Variants in GLIS3 observed in about 807,000 individuals in gnomAD.
GLIS3 encodes the protein GLIS family zinc finger 3.
In GLIS3, 53 loss-of-function variants were observed where a neutral mutation model predicts 78.6. That is an observed-to-expected ratio of 0.67 (90% CI 0.54 to 0.85). The LOEUF is 0.85. Among genes scored for constraint, GLIS3 ranks in the 40% least tolerant of loss-of-function variants. The probability of loss-of-function intolerance (pLI) is 0.00; values close to 1 mark genes in which losing one functional copy is unlikely to be tolerated. For missense variants in GLIS3, 1,703 were observed against 1,231.1 expected, an observed-to-expected ratio of 1.38 and a Z score of -5.74; for synonymous variants, 684 against 509.9, an observed-to-expected ratio of 1.34 and a Z score of -4.60.
intron 2 of GLIS3, among the ~76,000 whole-genome samples, chr9:4,264,877 C>A (rs1382741250): frequency 6.6e-6 from 1 of 151,966 alleles, no homozygotes; most frequent in Non-Finnish European, 1.5e-5. Context: ...AGTGAAATAA[C>A]AATCTTCGGC....
chr9:4,110,091 C>G (rs12378695), intron 4 of GLIS3, among the ~76,000 whole-genome samples: 1 of 152,116 alleles, frequency 6.6e-6, no homozygotes, highest in African/African-American at 2.4e-5. Flanking sequence ...CTGTATCCCC[C>G]GGGTAAGGTA....
At chr9:3,876,230 G>A (rs557001254) in intron 8 of GLIS3, among the ~76,000 whole-genome samples, 3 of 152,100 alleles carry the variant, frequency 2.0e-5, no homozygotes, top group Non-Finnish European at 2.9e-5. Context: ...TAAATGTCCC[G>A]AGTTCTTCAA....
chr9:3,867,583 G>T (rs558274219), intron 8 of GLIS3, among the ~76,000 whole-genome samples: 2 of 152,254 alleles, frequency 1.3e-5, no homozygotes, highest in African/African-American at 4.8e-5. Context: ...ATAGGAAGAG[G>T]CCACCAACCT....
At chr9:4,086,646 G>A (rs919505316) in intron 4 of GLIS3, among the ~76,000 whole-genome samples, 2 of 152,206 alleles carry the variant, frequency 1.3e-5, no homozygotes, top group Admixed American at 1.3e-4. Flanking sequence ...ACTTTCCACT[G>A]TATGTCCTTT....
the GLIS3 span, among the ~76,000 whole-genome samples, chr9:4,462,870 G>C: frequency 6.6e-6 from 1 of 152,158 alleles, no homozygotes; most frequent in Non-Finnish European, 1.5e-5. Flanking sequence ...AAAAGCACTG[G>C]TCTTGAACCT....
At chr9:4,486,692 G>C in the GLIS3 span, among the ~76,000 whole-genome samples, 7,266 of 152,132 alleles carry the variant, frequency 0.048, 566 homozygotes, top group African/African-American at 0.16. Flanking sequence ...GGTCCTCCCA[G>C]TGTGAAAGTG....
intron 2 of GLIS3, among the ~76,000 whole-genome samples, chr9:4,198,207 C>G (rs1819043120): frequency 6.6e-6 from 1 of 152,116 alleles, no homozygotes; most frequent in Non-Finnish European, 1.5e-5. Context: ...GGATTGCAAG[C>G]AAGCTCAATG....
At chr9:4,368,811 A>C in the GLIS3 span, among the ~76,000 whole-genome samples, 2 of 152,150 alleles carry the variant, frequency 1.3e-5, no homozygotes, top group African/African-American at 4.8e-5. Context: ...TTGCTCTTAA[A>C]TTCTCTCGTT....
At chr9:4,072,503 T>G (rs915130798) in intron 4 of GLIS3, among the ~76,000 whole-genome samples, 1 of 152,228 alleles carries the variant, frequency 6.6e-6, no homozygotes. Context: ...TATTTTTATT[T>G]ATTTTTTTGA....
intron 2 of GLIS3, among the ~76,000 whole-genome samples, chr9:4,187,861 T>G (rs1817955456): frequency 6.6e-6 from 1 of 152,166 alleles, no homozygotes; most frequent in African/African-American, 2.4e-5. Flanking sequence ...CCTGAGACTT[T>G]GCTGAAGTTG....
At chr9:4,184,690 G>C (rs1056074991) in intron 2 of GLIS3, among the ~76,000 whole-genome samples, 1 of 152,214 alleles carries the variant, frequency 6.6e-6, no homozygotes, top group Non-Finnish European at 1.5e-5. Flanking sequence ...GGGAGATTTA[G>C]AGAGACTTAA....
chr9:4,035,177 C>T (rs956915044), intron 4 of GLIS3: 4 of 152,114 alleles, frequency 2.6e-5, no homozygotes, highest in African/African-American at 7.2e-5. Flanking sequence ...CAAATGTGCA[C>T]GTTTTCATTT....
chr9:4,020,458 C>G (rs1442933344), intron 4 of GLIS3, among the ~76,000 whole-genome samples: 1 of 152,114 alleles, frequency 6.6e-6, no homozygotes, highest in Non-Finnish European at 1.5e-5. Flanking sequence ...TTACATCGTA[C>G]CCAAACACCT....
At chr9:4,009,928 C>T (rs1821863837) in intron 4 of GLIS3, among the ~76,000 whole-genome samples, 1 of 152,188 alleles carries the variant, frequency 6.6e-6, no homozygotes, top group Non-Finnish European at 1.5e-5. Context: ...TCAATAGTCC[C>T]TTCTGCTCCC....
At chr9:4,478,468 C>T in the GLIS3 span, among the ~76,000 whole-genome samples, 648 of 151,956 alleles carry the variant, frequency 4.3e-3, 3 homozygotes, top group African/African-American at 0.014. Context: ...AAAATTAGTT[C>T]GGCCTGGTGG....
intron 4 of GLIS3, among the ~76,000 whole-genome samples, chr9:4,069,334 T>C (rs1403247533): frequency 6.6e-6 from 1 of 152,230 alleles, no homozygotes; most frequent in Non-Finnish European, 1.5e-5. Context: ...GCTGAGCTAT[T>C]GGATCGGCTT....
chr9:4,410,138 T>TG, the GLIS3 span, among the ~76,000 whole-genome samples: 3 of 151,100 alleles, frequency 2.0e-5, no homozygotes, highest in Non-Finnish European at 4.4e-5. Context: ...GCCCGGCTAT[T>TG]TTTTTTTTTT....
intron 4 of GLIS3, among the ~76,000 whole-genome samples, chr9:4,057,368 C>A (rs897842847): frequency 3.9e-5 from 6 of 152,110 alleles, no homozygotes; most frequent in Non-Finnish European, 5.9e-5. Flanking sequence ...GGACTAAATT[C>A]TCCCTGGGTG....
chr9:4,142,562 T>C (rs1205283647), intron 2 of GLIS3, among the ~76,000 whole-genome samples: 1 of 152,102 alleles, frequency 6.6e-6, no homozygotes, highest in Non-Finnish European at 1.5e-5. Context: ...AAAACAAAAA[T>C]AACAAAACTA....
Sources: allele counts gnomAD v4.1 joint callset (sites outside exome capture counted in the v4.1 genomes callset), GRCh38; gene constraint gnomAD v4.1.1; transcripts MANE v1.5; gene names NCBI Gene and HGNC (gene_info 2026-07-23, HGNC 2026-07-21).